TENM1: variants seen among roughly 807,000 people sequenced by gnomAD.
The protein encoded by TENM1 is teneurin transmembrane protein 1, also known as teneurin-1.
Under a neutral mutation model 174.8 loss-of-function variants are expected in TENM1, and 35 were observed. That is an observed-to-expected ratio of 0.20 (90% CI 0.15 to 0.27). TENM1 has a LOEUF of 0.27. Among genes scored for constraint, TENM1 ranks in the 10% least tolerant of loss-of-function variants. The probability of loss-of-function intolerance (pLI) is 1.00; values close to 1 mark genes in which losing one functional copy is unlikely to be tolerated. For missense variants in TENM1, 1,633 were observed against 2,130.1 expected, an observed-to-expected ratio of 0.77 and a Z score of 4.59; for synonymous variants, 781 against 798.7, an observed-to-expected ratio of 0.98 and a Z score of 0.37.
chrX:124,622,658 AT>A (rs910722123), intron 11 of TENM1, among the ~76,000 whole-genome samples: 42 of 109,905 alleles, frequency 3.8e-4, no homozygotes, highest in Middle Eastern at 4.7e-3. Flanking sequence ...TTACCTAATT[AT>A]TTTTTTTTCA....
At chrX:125,013,696 TTAA>T in the TENM1 span, among the ~76,000 whole-genome samples, 3 of 111,634 alleles carry the variant, frequency 2.7e-5, no homozygotes, top group Non-Finnish European at 3.8e-5. Context: ...AGAAATCAGT[TTAA>T]TATTTATTAC....
chrX:124,463,877 G>GGA lies in TENM1; in HGVS notation c.3950-10388_3950-10387dup, dbSNP rs780069672. Among the ~76,000 whole-genome samples, 718 of 96,880 alleles carry GGA rather than the reference G, an allele frequency of 7.4e-3. 4 individuals are homozygous for GGA. Among genetic ancestry groups the GGA allele is most frequent in the Non-Finnish European group, 0.011 (528 of 47,645 alleles). The allele number at this position is 96,880 out of a possible 115,157, so 84.1% of individuals were successfully genotyped here. On this transcript the variant is annotated intron_variant, in intron 22 of 31. Transcript: ENST00000422452. ...TGTGTGTGTGTGTGTGTGTGTGTGTGGAGAGAGAGAGAGAGAGATTGGGGT... is the reference window on the plus strand; with the variant it reads ...TGTGTGTGTGTGTGTGTGTGTGTGTGGAGAGAGAGAGAGAGAGAGATTGGGGT...
chrX:124,810,055 T>C (rs755507773), intron 3 of TENM1, among the ~76,000 whole-genome samples: 2 of 110,923 alleles, frequency 1.8e-5, no homozygotes, highest in South Asian at 3.9e-4. Flanking sequence ...AGCCAAACCA[T>C]TTCAGTACCT....
intron 21 of TENM1, among the ~76,000 whole-genome samples, chrX:124,485,041 G>A (rs1043365649): frequency 1.8e-5 from 2 of 111,129 alleles, no homozygotes; most frequent in Admixed American, 1.9e-4. Flanking sequence ...AAAATGGAGG[G>A]GAGAGGGTGG....
chrX:125,051,240 A>G, the TENM1 span, among the ~76,000 whole-genome samples: 4 of 111,949 alleles, frequency 3.6e-5, no homozygotes, highest in African/African-American at 1.3e-4. Context: ...ATGGGTAGGA[A>G]GAATCAATAT....
chrX:124,379,039 AC>A (rs1461491473), exon 32 of TENM1: 1 of 112,183 alleles, frequency 8.9e-6, no homozygotes, highest in African/African-American at 3.3e-5. Flanking sequence ...ACAGCATTTT[AC>A]AAACTATCTC....
intron 1 of TENM1, among the ~76,000 whole-genome samples, chrX:124,910,427 G>T (rs2147636734): frequency 8.9e-6 from 1 of 111,929 alleles, no homozygotes; most frequent in South Asian, 3.8e-4. Flanking sequence ...AATCTATGAG[G>T]ATTGCCCAAG....
At chrX:124,625,256 G>A (rs775171574) in intron 11 of TENM1, among the ~76,000 whole-genome samples, 2 of 110,842 alleles carry the variant, frequency 1.8e-5, no homozygotes, top group East Asian at 5.7e-4. Flanking sequence ...AGATACTTTG[G>A]AAAGACTGAT....
At chrX:124,896,885 T>C (rs1308165092) in intron 1 of TENM1, among the ~76,000 whole-genome samples, 1 of 111,733 alleles carries the variant, frequency 8.9e-6, no homozygotes, top group African/African-American at 3.3e-5. Context: ...CACACAAAAA[T>C]TTAGTCATAT....
chrX:125,033,637 A>G, the TENM1 span, among the ~76,000 whole-genome samples: 22,762 of 110,094 alleles, frequency 0.21, 2,512 homozygotes, highest in African/African-American at 0.42. Context: ...TTGAACCATG[A>G]GTTTGCTATG....
At chrX:124,410,537 C>A (rs1037922654) in intron 25 of TENM1, among the ~76,000 whole-genome samples, 2 of 111,036 alleles carry the variant, frequency 1.8e-5, no homozygotes, top group Non-Finnish European at 3.8e-5. Flanking sequence ...TAATTAAACT[C>A]AAGAGCTTCT....
rs140748677 is a variant in TENM1 at position 124,580,666 on chromosome X, C to T, written c.2078-15106G>A. ...GAGATTTAATGTACAACATGAGGACCATAGTTAATATAATTGTACTGTATT... is the reference window on the plus strand; with the variant it reads ...GAGATTTAATGTACAACATGAGGACTATAGTTAATATAATTGTACTGTATT... On this transcript the variant is annotated intron_variant, in intron 11 of 31. Coordinates refer to ENST00000422452, the Ensembl canonical transcript of TENM1. Among the ~76,000 whole-genome samples, 147 of 110,736 alleles carry T rather than the reference C, an allele frequency of 1.3e-3. 10 individuals carry two copies. The East Asian group carries it at 0.017, about 13-fold the overall frequency.
At chrX:124,712,731 C>T (rs1196146329) in intron 4 of TENM1, among the ~76,000 whole-genome samples, 1 of 111,683 alleles carries the variant, frequency 9.0e-6, no homozygotes, top group Non-Finnish European at 1.9e-5. Context: ...ATCTGCCCAC[C>T]TCGGCCTCCC....
At chrX:124,692,240 C>T (rs763970253) in intron 5 of TENM1, among the ~76,000 whole-genome samples, 1 of 111,076 alleles carries the variant, frequency 9.0e-6, no homozygotes, top group East Asian at 2.8e-4. Context: ...ACATTGAGTA[C>T]ACATGTTCAC....
chrX:124,398,239 T>C (rs2060360262), intron 27 of TENM1, among the ~76,000 whole-genome samples: 1 of 108,807 alleles, frequency 9.2e-6, no homozygotes, highest in South Asian at 4.0e-4. Flanking sequence ...AAAAAAAAAG[T>C]CACAGTTGAT....
At chrX:125,002,403 C>T in the TENM1 span, among the ~76,000 whole-genome samples, 33 of 111,364 alleles carry the variant, frequency 3.0e-4, no homozygotes, top group Admixed American at 2.8e-3. Flanking sequence ...ATGACACCTT[C>T]TGGAGCCAAC....
chrX:124,614,010 T>C (rs1242960454), intron 11 of TENM1, among the ~76,000 whole-genome samples: 1 of 111,758 alleles, frequency 8.9e-6, no homozygotes, highest in African/African-American at 3.3e-5. Flanking sequence ...CTGGCAAGTT[T>C]GGACTATGTT....
At chrX:124,444,918 T>A (rs941147038) in intron 23 of TENM1, among the ~76,000 whole-genome samples, 1 of 111,708 alleles carries the variant, frequency 9.0e-6, no homozygotes, top group African/African-American at 3.3e-5. Context: ...GGCAGTTTAA[T>A]GTAATTTGGT....
At chrX:124,862,523 G>A (rs111230114) in intron 3 of TENM1, among the ~76,000 whole-genome samples, 2 of 111,024 alleles carry the variant, frequency 1.8e-5, no homozygotes, top group African/African-American at 3.3e-5. Flanking sequence ...GAGCAAAAAG[G>A]ATAACCGGAC....
Sources: gnomAD v4.1 joint callset for allele counts (sites outside exome capture counted in the v4.1 genomes callset) on GRCh38, gnomAD v4.1.1 for gene constraint, MANE v1.5 for transcripts, NCBI Gene and HGNC (gene_info 2026-07-23, HGNC 2026-07-21) for gene names.